The following HK1 variants were observed in gnomAD, a reference collection of about 807,000 sequenced individuals.
HK1 encodes the protein hexokinase 1, also known as hexokinase-1.
Under a neutral mutation model 91.6 loss-of-function variants are expected in HK1, and 28 were observed. The ratio of observed to expected loss-of-function variants is 0.31; its 90% CI spans 0.23 to 0.42. HK1 has a LOEUF of 0.42. Ranked by LOEUF, HK1 falls within the 10% of genes least tolerant of loss-of-function variation. The pLI, the probability that HK1 is intolerant of heterozygous loss-of-function variation, is 1.00. For missense variants in HK1, 770 were observed against 1,219.8 expected (o/e 0.63, Z 5.49); for synonymous variants, 430 against 468.1 (o/e 0.92, Z 1.05).
chr10:69,301,661 A>G (rs1381005422), intron 5 of HK1, among the ~76,000 whole-genome samples: 1 of 152,084 alleles, frequency 6.6e-6, no homozygotes, highest in Non-Finnish European at 1.5e-5. Context: ...TAAACAAGAG[A>G]AGTATAGACT....
At chr10:69,300,172 A>C (rs1845786755) in intron 4 of HK1, among the ~76,000 whole-genome samples, 1 of 150,732 alleles carries the variant, frequency 6.6e-6, no homozygotes, top group Non-Finnish European at 1.5e-5. Flanking sequence ...CATTTTCATC[A>C]CCCCCCAAAA....
rs574045195 is a variant in HK1 at position 69,374,692 on chromosome 10, CGTGG to C, written c.876-2240_876-2237del. 1.4e-3 allele frequency among the ~76,000 whole-genome samples: 214 copies of C among 152,264 alleles called. 1 individual carries two copies. The highest frequency in any genetic ancestry group is 3.9e-3 in the South Asian group (19 of 4,816). ...GGACTGGGAAAGGACAGACCCTGGC[CGTGG>C]GCCTCTATCTGGAAAAGGGGGTATC... On this transcript the variant is annotated intron_variant, in intron 7 of 17. Transcript: ENST00000359426.
rs185707882 is a variant in HK1, at chr10:69,324,723, A to G, written c.63+5713A>G. Reference sequence around the variant, plus strand: ...GGAACTGCTTACAGCTAGGCTGCAGATGTTAGCTCCTTAAGTGCTTCAGGA... The same window carrying G: ...GGAACTGCTTACAGCTAGGCTGCAGGTGTTAGCTCCTTAAGTGCTTCAGGA... On this transcript the variant is annotated intron_variant, in intron 1 of 17. Coordinates refer to ENST00000359426, the MANE Select transcript of HK1 (RefSeq NM_000188.3). Among the ~76,000 whole-genome samples, 201 of 152,346 alleles carry G rather than the reference A, an allele frequency of 1.3e-3. 1 individual carries two copies. Among genetic ancestry groups the G allele is most frequent in the African/African-American group, 4.6e-3 (191 of 41,580 alleles).
intron 11 of HK1, 60 bp downstream of exon 11, chr10:69,384,541 C>T: frequency 1.9e-6 from 3 of 1,604,500 alleles, no homozygotes; most frequent in Non-Finnish European, 2.6e-6. Flanking sequence ...CACCGGCAGT[C>T]ACGTGATGAC....
At chr10:69,397,993 T>C (rs1021323765) in intron 16 of HK1, among the ~76,000 whole-genome samples, 2 of 152,218 alleles carry the variant, frequency 1.3e-5, no homozygotes, top group Non-Finnish European at 1.5e-5. Context: ...GAAGAGTAAA[T>C]GGATACAATT....
chr10:69,392,087 A>C (rs1289125133), intron 14 of HK1, 38 bp from the exon 15 acceptor site: 1 of 1,612,398 alleles, frequency 6.2e-7, no homozygotes, highest in African/African-American at 1.3e-5. Context: ...CCCCAAATGC[A>C]AGGCCACCGC....
At chr10:69,391,900 G>T (rs936078912) in intron 14 of HK1, among the ~76,000 whole-genome samples, 1 of 152,196 alleles carries the variant, frequency 6.6e-6, no homozygotes, top group African/African-American at 2.4e-5. Flanking sequence ...ATTGGCTCTT[G>T]GTTGAAAGTC....
intron 11 of HK1, 79 bp downstream of exon 11, chr10:69,384,560 G>A (rs147439289): frequency 7.0e-6 from 11 of 1,564,882 alleles, no homozygotes; most frequent in African/African-American, 5.4e-5. Context: ...ACCAAAATCC[G>A]CCACGGGGTG....
At chr10:69,303,242 G>C (rs984221939) in intron 5 of HK1, among the ~76,000 whole-genome samples, 2 of 152,134 alleles carry the variant, frequency 1.3e-5, no homozygotes, top group African/African-American at 4.8e-5. Context: ...CAAGGATGCA[G>C]GTTCTATTCT....
chr10:69,318,853 G>GAGCCGCCGAGC lies in HK1; in HGVS notation c.-86_-76dup. 2 of 1,490,958 alleles carry GAGCCGCCGAGC rather than the reference G, an allele frequency of 1.3e-6. No individual in the cohort carries two copies. The highest frequency in any genetic ancestry group is 2.6e-5 in the South Asian group (2 of 76,438). The allele number at this position is 1,490,958 out of a possible 1,614,324, so 92.4% of individuals were successfully genotyped here. On this transcript the variant is annotated 5_prime_UTR_variant, in exon 1 of 18. Transcript: ENST00000359426. ...GGAGCCGGGGGAGGAGGAGGAGGAG[G>GAGCCGCCGAGC]AGCCGCCGAGCAGCCGCCGGAGGAC...
rs536486965 is a variant in HK1 at position 69,392,296 on chromosome 10, C to G, written c.2207C>G (p.Ala736Gly). 1.2e-6 allele frequency: 2 copies of G among 1,614,148 alleles called. No homozygotes were observed. Among genetic ancestry groups the G allele is most frequent in the East Asian group, 2.2e-5 (1 of 44,862 alleles). ...DRLVDEYSLN[A>G]GKQRYEKMIS... ...CTGGTGGACGAATATTCCCTAAATGCTGGGAAACAAAGGTAACCCCGCCTG... is the reference window on the plus strand; with the variant it reads ...CTGGTGGACGAATATTCCCTAAATGGTGGGAAACAAAGGTAACCCCGCCTG... Residue 736 changes from alanine (A) to glycine (G), a missense_variant, in exon 15 of 18, where the codon GCT becomes GGT. Ala to Gly is a moderately conservative substitution (Grantham distance 60). Around this residue, in one of 7 missense-constraint regions of HK1, gnomAD observed 152 missense variants for 211.1 expected, o/e 0.72. Coordinates refer to ENST00000359426, the MANE Select transcript of HK1 (RefSeq NM_000188.3).
Position 69,368,717 on chromosome 10 carries a change from G to A in HK1, c.591+86G>A, listed in dbSNP as rs1047432439. The stretch of plus-strand genomic sequence containing the variant: ...CTAAAACAGACCAGTGCCCTTCCTG[G>A]GGGGCAGTAGTGCCAAAGCCTGAAG... On this transcript the variant is annotated intron_variant, in intron 5 of 17. Transcript: ENST00000359426. The A allele has an allele frequency of 2.9e-6, 3 of 1,040,282 alleles. No homozygotes were observed. The African/African-American group carries it at 4.7e-5, about 16-fold the overall frequency. 64.4% of individuals were successfully genotyped at this position (1,040,282 alleles called of 1,614,324 possible).
rs191140928 is a variant in HK1 at position 69,369,305 on chromosome 10, C to T, written c.660C>T (p.Asp220=). The T allele has an allele frequency of 1.5e-5, 25 of 1,614,132 alleles. 1 individual carries two copies. The highest frequency in any genetic ancestry group is 1.6e-4 in the Middle Eastern group (1 of 6,062). The change falls in exon 6 of 18, where the codon GAC becomes GAT. Residue 220 remains aspartate (D), a synonymous_variant. Transcript: ENST00000359426. The surrounding 1 kb of genome is among the most constrained non-coding windows in gnomAD (Gnocchi z 4.4). ...TVGTMMTCGY[D]DQHCEVGLII... Reference sequence around the variant, plus strand: ...GCACCATGATGACCTGTGGCTATGACGACCAGCACTGTGAAGTCGGCCTGA... The same window carrying T: ...GCACCATGATGACCTGTGGCTATGATGACCAGCACTGTGAAGTCGGCCTGA...
chr10:69,362,977 C>T lies in HK1; in HGVS notation c.376-1806C>T, dbSNP rs76332044. Among the ~76,000 whole-genome samples the T allele has an allele frequency of 1.7e-3, 262 of 152,262 alleles. 8 individuals are homozygous for T. The East Asian group carries it at 0.044, about 26-fold the overall frequency. On this transcript the variant is annotated intron_variant, in intron 3 of 17. Transcript: ENST00000359426. ...GTTCTATTACTCTGGCAACAAAGTCCGACTTTAGAGCTGGCTTGGGGGGGA... is the reference window on the plus strand; with the variant it reads ...GTTCTATTACTCTGGCAACAAAGTCTGACTTTAGAGCTGGCTTGGGGGGGA...
intron 1 of HK1, among the ~76,000 whole-genome samples, chr10:69,326,750 AC>A (rs1847398942): frequency 6.6e-6 from 1 of 152,230 alleles, no homozygotes; most frequent in Non-Finnish European, 1.5e-5. Context: ...CAATTACATT[AC>A]AGACACAGTT....
intron 1 of HK1, among the ~76,000 whole-genome samples, chr10:69,321,546 C>T (rs909643848): frequency 2.6e-5 from 4 of 152,198 alleles, no homozygotes; most frequent in East Asian, 1.9e-4. Flanking sequence ...AGGCAGCCTC[C>T]GGGGCTCTGG....
chr10:69,389,346 T>C (rs762217330), intron 14 of HK1, 50 bp downstream of exon 14: 36 of 1,423,842 alleles, frequency 2.5e-5, no homozygotes, highest in Middle Eastern at 1.7e-4. Flanking sequence ...GGCTGGGGTT[T>C]CCCCGTTTTG....
intron 2 of HK1, among the ~76,000 whole-genome samples, chr10:69,350,898 C>A (rs1848821737): frequency 6.6e-6 from 1 of 151,424 alleles, no homozygotes; most frequent in African/African-American, 2.4e-5. Flanking sequence ...TGGCCGGGCG[C>A]CGTGGCTCAC....
chr10:69,337,166 G>A (rs988804158), intron 1 of HK1, among the ~76,000 whole-genome samples: 5 of 152,132 alleles, frequency 3.3e-5, no homozygotes, highest in African/African-American at 1.2e-4. Context: ...CTAATAAATC[G>A]GATTTGAACC....
Sources: allele counts gnomAD v4.1 joint callset (sites outside exome capture counted in the v4.1 genomes callset), GRCh38; gene constraint gnomAD v4.1.1; regional missense constraint gnomAD v4.1.1; non-coding constraint Gnocchi (gnomAD v3.1); transcripts MANE v1.5; gene names NCBI Gene and HGNC (gene_info 2026-07-23, HGNC 2026-07-21).